Variants in DLGAP2 observed in about 807,000 individuals in gnomAD.
DLGAP2 encodes disks large-associated protein 2.
DLGAP2 carries 26 observed loss-of-function variants against 100.3 expected under a neutral mutation model. The ratio of observed to expected loss-of-function variants is 0.26; its 90% confidence interval spans 0.19 to 0.36. DLGAP2 has a LOEUF of 0.36. Ranked by LOEUF, DLGAP2 falls within the 10% of genes least tolerant of loss-of-function variation. The pLI, the probability that DLGAP2 is intolerant of heterozygous loss-of-function variation, is 1.00. For missense variants in DLGAP2, 1,858 were observed against 1,453.2 expected (o/e 1.28, Z -4.53); for synonymous variants, 886 against 630.1 (o/e 1.41, Z -6.08).
chr8:1,185,276 A>T (rs190093793), intron 2 of DLGAP2, among the ~76,000 whole-genome samples: 1 of 151,968 alleles, frequency 6.6e-6, no homozygotes, highest in African/African-American at 2.4e-5. Context: ...TTCTTTGTCA[A>T]ACTTCAGGGC....
intron 2 of DLGAP2, among the ~76,000 whole-genome samples, chr8:1,122,989 T>C (rs920426407): frequency 6.6e-6 from 1 of 152,208 alleles, no homozygotes; most frequent in Non-Finnish European, 1.5e-5. Flanking sequence ...GATCAGGAGA[T>C]ACAGTTAAAC....
chr8:818,340 G>A (rs1411994715), intron 1 of DLGAP2, among the ~76,000 whole-genome samples: 5 of 152,130 alleles, frequency 3.3e-5, no homozygotes, highest in Admixed American at 1.3e-4. Context: ...CTAAAGGTTG[G>A]TCTAACTCCC....
intron 3 of DLGAP2, among the ~76,000 whole-genome samples, chr8:1,266,622 T>C (rs1799456111): frequency 6.6e-6 from 1 of 152,196 alleles, no homozygotes; most frequent in African/African-American, 2.4e-5. Context: ...ATATGAAATA[T>C]GCACCCTCTG....
At position 1,708,037 on chromosome 8, in the gene DLGAP2, T is replaced by C. The variant is rs1031920198; in HGVS notation, c.*6631T>C. The C allele has an allele frequency of 2.6e-5, 4 of 152,624 alleles. No individual in the cohort carries two copies. The highest frequency in any genetic ancestry group is 9.6e-5 in the African/African-American group (4 of 41,464). 9.5% of individuals were successfully genotyped at this position (152,624 alleles called of 1,614,324 possible). The stretch of plus-strand genomic sequence containing the variant: ...AACTTACCAGAATGTTGGTCATTCC[T>C]TTAAGGCAGTTAAGGATTGCTTTAT... On this transcript the variant is annotated 3_prime_UTR_variant, in exon 15 of 15. Coordinates refer to ENST00000637795, the MANE Select transcript of DLGAP2 (RefSeq NM_001346810.2).
chr8:1,438,685 A>G (rs1330734579), intron 3 of DLGAP2, among the ~76,000 whole-genome samples: 1 of 152,232 alleles, frequency 6.6e-6, no homozygotes, highest in Admixed American at 6.5e-5. Context: ...GCAGGATTTG[A>G]TCTATCACAA....
intron 2 of DLGAP2, among the ~76,000 whole-genome samples, chr8:1,028,101 C>T (rs34084964): frequency 2.1e-3 from 186 of 90,500 alleles, no homozygotes; most frequent in South Asian, 5.6e-3. Context: ...AGGTGGGGTG[C>T]CAGGGGCCCG....
At chr8:1,346,397 C>G (rs193237399) in intron 3 of DLGAP2, among the ~76,000 whole-genome samples, 1 of 151,422 alleles carries the variant, frequency 6.6e-6, no homozygotes, top group Non-Finnish European at 1.5e-5. Context: ...AGCTGCATTG[C>G]ACTCACGGTA....
chr8:863,699 G>T (rs78883513), intron 1 of DLGAP2, among the ~76,000 whole-genome samples: 1 of 152,128 alleles, frequency 6.6e-6, no homozygotes, highest in Non-Finnish European at 1.5e-5. Flanking sequence ...CTGTTCGACT[G>T]GCTTTCACCA....
intron 3 of DLGAP2, among the ~76,000 whole-genome samples, chr8:1,318,105 TC>T (rs1800807986): frequency 6.6e-5 from 6 of 90,946 alleles, no homozygotes; most frequent in South Asian, 4.1e-4. Context: ...GTGCAGCGTC[TC>T]TCCAACAGTG....
intron 10 of DLGAP2, among the ~76,000 whole-genome samples, chr8:1,675,676 T>C (rs1030133274): frequency 1.3e-5 from 2 of 152,212 alleles, no homozygotes; most frequent in Non-Finnish European, 2.9e-5. Context: ...AGAGATTTTA[T>C]AACTTAGCTA....
chr8:1,132,839 A>G (rs974724904), intron 2 of DLGAP2, among the ~76,000 whole-genome samples: 1 of 152,252 alleles, frequency 6.6e-6, no homozygotes, highest in Non-Finnish European at 1.5e-5. Context: ...CTCATGGATC[A>G]TAGATGGATT....
At chr8:1,607,064 T>A (rs1330067255) in intron 6 of DLGAP2, among the ~76,000 whole-genome samples, 1 of 152,264 alleles carries the variant, frequency 6.6e-6, no homozygotes, top group Non-Finnish European at 1.5e-5. Flanking sequence ...GGGTCCTTGA[T>A]AACTCAATGT....
chr8:808,097 T>A lies in DLGAP2; in HGVS notation c.18+70272T>A, dbSNP rs112368042. On this transcript the variant is annotated intron_variant, in intron 1 of 14. Coordinates refer to ENST00000637795, the MANE Select transcript of DLGAP2 (RefSeq NM_001346810.2). Reference sequence around the variant, plus strand: ...CGCTCATCTGTGTCAGCCTTACCTGTCATATGGCGGATGTGACACCTGCCT... The same window carrying A: ...CGCTCATCTGTGTCAGCCTTACCTGACATATGGCGGATGTGACACCTGCCT... Among the ~76,000 whole-genome samples, 792 of 152,312 alleles carry A rather than the reference T, an allele frequency of 5.2e-3. 1 individual carries two copies. The highest frequency in any genetic ancestry group is 8.2e-3 in the Non-Finnish European group (561 of 68,028).
rs1799572277 is a variant in DLGAP2, at chr8:1,701,557, G to A, written c.*151G>A. On this transcript the variant is annotated 3_prime_UTR_variant, in exon 15 of 15. Transcript: ENST00000637795. ...GCCCCGGACACAGCGGGACGCGGCCGGCGGCCTCAGAGTCCACGGAGCTCG... is the reference window on the plus strand; with the variant it reads ...GCCCCGGACACAGCGGGACGCGGCCAGCGGCCTCAGAGTCCACGGAGCTCG... 6 of 834,834 alleles carry A rather than the reference G, an allele frequency of 7.2e-6. No individual in the cohort carries two copies. The South Asian group carries it at 7.3e-5, about 10-fold the overall frequency. 51.7% of individuals were successfully genotyped at this position (834,834 alleles called of 1,614,324 possible).
intron 2 of DLGAP2, among the ~76,000 whole-genome samples, chr8:925,773 C>G (rs921392123): frequency 6.6e-6 from 1 of 152,164 alleles, no homozygotes; most frequent in African/African-American, 2.4e-5. Flanking sequence ...AGTCTGAGAT[C>G]TGCTCAGCCA....
chr8:1,464,823 A>G (rs2130172827), intron 3 of DLGAP2, among the ~76,000 whole-genome samples: 1 of 152,362 alleles, frequency 6.6e-6, no homozygotes, highest in Middle Eastern at 3.4e-3. Context: ...CAGCAGGATG[A>G]TCATTATCAT....
chr8:1,334,508 A>G (rs1801227498), intron 3 of DLGAP2, among the ~76,000 whole-genome samples: 1 of 152,140 alleles, frequency 6.6e-6, no homozygotes, highest in Non-Finnish European at 1.5e-5. Context: ...TGTAAAAGCC[A>G]CTGGTATGAT....
At chr8:1,342,468 T>C (rs1801438870) in intron 3 of DLGAP2, among the ~76,000 whole-genome samples, 1 of 152,126 alleles carries the variant, frequency 6.6e-6, no homozygotes, top group African/African-American at 2.4e-5. Flanking sequence ...CCGAGCACAG[T>C]TCAGCTAACT....
At chr8:834,106 C>T (rs1435918742) in intron 1 of DLGAP2, among the ~76,000 whole-genome samples, 1 of 152,174 alleles carries the variant, frequency 6.6e-6, no homozygotes, top group Non-Finnish European at 1.5e-5. Context: ...TCCCAGGCAA[C>T]TCAGCGTTGC....
Sources: allele counts gnomAD v4.1 joint callset (sites outside exome capture counted in the v4.1 genomes callset), GRCh38; gene constraint gnomAD v4.1.1; transcripts MANE v1.5; gene names NCBI Gene and HGNC (gene_info 2026-07-23, HGNC 2026-07-21).